Variants in CREB5 observed in about 807,000 individuals in gnomAD.
CREB5 encodes the protein cyclic AMP-responsive element-binding protein 5.
CREB5 carries 19 observed loss-of-function variants against 57.1 expected under a neutral mutation model. The observed-to-expected ratio is 0.33, with a 90% CI of 0.23 to 0.49. The LOEUF is 0.49. CREB5 is among the 20% of genes least tolerant of loss of function. The pLI is 0.99. For synonymous variants in CREB5, 238 were observed against 238.3 expected (o/e 1.00, Z 0.01); for missense variants, 579 against 671.6 (o/e 0.86, Z 1.52).
intron 1 of CREB5, among the ~76,000 whole-genome samples, chr7:28,454,513 A>G (rs1400165583): frequency 6.6e-6 from 1 of 151,918 alleles, no homozygotes; most frequent in Non-Finnish European, 1.5e-5. Context: ...TTTCCTCCTC[A>G]TCCATGTTCG....
chr7:28,512,694 G>A (rs1351700993), intron 4 of CREB5, among the ~76,000 whole-genome samples: 2 of 151,746 alleles, frequency 1.3e-5, no homozygotes, highest in African/African-American at 4.8e-5. Flanking sequence ...AGGAAGGACG[G>A]GTAATTGAAG....
At chr7:28,364,546 C>CA (rs796699263) in intron 1 of CREB5, among the ~76,000 whole-genome samples, 2 of 152,310 alleles carry the variant, frequency 1.3e-5, no homozygotes, top group African/African-American at 4.8e-5. Flanking sequence ...ACATCACCAA[C>CA]AGAAGCTCAA....
At chr7:28,414,641 CT>C (rs1390799214) in intron 1 of CREB5, among the ~76,000 whole-genome samples, 2 of 152,052 alleles carry the variant, frequency 1.3e-5, no homozygotes, top group Non-Finnish European at 2.9e-5. Context: ...AAGTCTGGCA[CT>C]TTAAAAATGA....
intron 1 of CREB5, among the ~76,000 whole-genome samples, chr7:28,406,561 A>T (rs77149672): frequency 0.03 from 4,599 of 152,304 alleles, 236 homozygotes; most frequent in African/African-American, 0.11. Flanking sequence ...CTGTCTCCAC[A>T]CGTCTGACAG....
At chr7:28,575,781 C>T (rs1435051013) in intron 5 of CREB5, among the ~76,000 whole-genome samples, 1 of 152,146 alleles carries the variant, frequency 6.6e-6, no homozygotes, top group East Asian at 1.9e-4. Context: ...TACGAGGGCC[C>T]TTCTGGGGGA....
At chr7:28,624,778 A>G (rs2128688561) in intron 5 of CREB5, among the ~76,000 whole-genome samples, 1 of 151,974 alleles carries the variant, frequency 6.6e-6, no homozygotes, top group South Asian at 2.1e-4. Context: ...TCTTCCCTAT[A>G]AAAGGAAAGG....
At chr7:28,802,446 G>T (rs1808428682) in intron 7 of CREB5, among the ~76,000 whole-genome samples, 4 of 152,146 alleles carry the variant, frequency 2.6e-5, no homozygotes, top group Admixed American at 2.0e-4. Flanking sequence ...CAGTGTTAGA[G>T]CATAGTAGCT....
chr7:28,440,212 C>T (rs571615018), intron 1 of CREB5, among the ~76,000 whole-genome samples: 17 of 152,206 alleles, frequency 1.1e-4, no homozygotes, highest in African/African-American at 4.1e-4. Flanking sequence ...CACTCCAGTC[C>T]GACAACATTG....
At chr7:28,648,555 G>GTA (rs1328772271) in intron 5 of CREB5, among the ~76,000 whole-genome samples, 1 of 152,078 alleles carries the variant, frequency 6.6e-6, no homozygotes, top group Non-Finnish European at 1.5e-5. Context: ...GGGAAACATA[G>GTA]TGAGACCTCA....
At chr7:28,313,119 C>T (rs1256249156) in intron 1 of CREB5, among the ~76,000 whole-genome samples, 2 of 152,108 alleles carry the variant, frequency 1.3e-5, no homozygotes, top group South Asian at 2.1e-4. Flanking sequence ...AGGTCTGGGA[C>T]GGGTCTTGAG....
chr7:28,397,201 T>C (rs1022996979), intron 1 of CREB5, among the ~76,000 whole-genome samples: 1 of 152,218 alleles, frequency 6.6e-6, no homozygotes, highest in Non-Finnish European at 1.5e-5. Context: ...TTAGGTCCCA[T>C]ATGTGAGGAT....
intron 4 of CREB5, among the ~76,000 whole-genome samples, chr7:28,560,865 CCTGCGTGCGCGTGCGT>C (rs1795117657): frequency 1.3e-4 from 2 of 14,816 alleles, no homozygotes; most frequent in Non-Finnish European, 2.4e-4. Context: ...TGTGCGTGTG[CCTGCGTGCGCGTGCGT>C]GCGTGCGTGT....
At chr7:28,305,779 A>G (rs141365565) in intron 1 of CREB5, among the ~76,000 whole-genome samples, 22 of 137,452 alleles carry the variant, frequency 1.6e-4, no homozygotes, top group Admixed American at 1.6e-3. Context: ...TCATTCAATT[A>G]TTTACTTTTG....
At chr7:28,603,306 T>G (rs551389591) in intron 5 of CREB5, among the ~76,000 whole-genome samples, 2 of 152,224 alleles carry the variant, frequency 1.3e-5, no homozygotes, top group African/African-American at 4.8e-5. Flanking sequence ...TATAATTGAA[T>G]GAAATCTAAA....
chr7:28,560,845 C>CGTGCGTGT (rs1396686194), intron 4 of CREB5, among the ~76,000 whole-genome samples: 2 of 41,318 alleles, frequency 4.8e-5, no homozygotes, highest in African/African-American at 1.6e-4. Flanking sequence ...TGTGTGTGTG[C>CGTGCGTGT]GCGTGTGTGT....
intron 7 of CREB5, among the ~76,000 whole-genome samples, chr7:28,797,248 G>A (rs1335448008): frequency 6.6e-6 from 1 of 152,074 alleles, no homozygotes; most frequent in Non-Finnish European, 1.5e-5. Flanking sequence ...ATCCGCTGAA[G>A]GTCTACTTTT....
At chr7:28,311,602 CTTT>C (rs1785278467) in intron 1 of CREB5, among the ~76,000 whole-genome samples, 1 of 152,198 alleles carries the variant, frequency 6.6e-6, no homozygotes, top group African/African-American at 2.4e-5. Context: ...TAGTCTCTTT[CTTT>C]AATTTTGACC....
In CREB5 at chr7:28,315,650, G is replaced by A. The variant is rs540504833; in HGVS notation, c.-25+16209G>A. Among the ~76,000 whole-genome samples the A allele has an allele frequency of 5.9e-4, 90 of 152,256 alleles. No homozygotes were observed. In the South Asian group the frequency reaches 0.018, roughly 31 times the overall value. On this transcript the variant is annotated intron_variant, in intron 1 of 9. Transcript: ENST00000396299. The stretch of plus-strand genomic sequence containing the variant: ...TTCCTCCCAGAAAGGGTTCTTTTGT[G>A]TTTGACCTCGTCCCGACGCGTTGGA...
intron 1 of CREB5, 45 bp downstream of exon 1, chr7:28,412,962 T>G (rs764603692): frequency 6.5e-6 from 9 of 1,387,774 alleles, no homozygotes; most frequent in Non-Finnish European, 7.6e-6. Context: ...GAGAAAACTT[T>G]GCACTTAGTT....
Sources: gnomAD v4.1 joint callset for allele counts (sites outside exome capture counted in the v4.1 genomes callset) on GRCh38, gnomAD v4.1.1 for gene constraint, MANE v1.5 for transcripts, NCBI Gene and HGNC (gene_info 2026-07-23, HGNC 2026-07-21) for gene names.